Variants in NHS observed in about 807,000 individuals in gnomAD.
NHS encodes the protein actin remodeling regulator NHS.
Under a neutral mutation model 72.5 loss-of-function variants are expected in NHS, and 5 were observed. The observed-to-expected ratio is 0.07, with a 90% CI of 0.04 to 0.14. The LOEUF is 0.14. Ranked by LOEUF, NHS falls within the 10% of genes least tolerant of loss-of-function variation. NHS has a pLI of 1.00. For synonymous variants in NHS, 464 were observed against 547.7 expected (o/e 0.85, Z 2.13); for missense variants, 1,072 against 1,355.7 (o/e 0.79, Z 3.29).
At chrX:17,678,293 T>TGTGA (rs1266362593) in intron 1 of NHS, among the ~76,000 whole-genome samples, 1,273 of 101,855 alleles carry the variant, frequency 0.012, 29 homozygotes, top group African/African-American at 0.044. Flanking sequence ...TGTGTGTGTG[T>TGTGA]GAGAGAGAGA....
At chrX:17,615,861 G>T (rs1200780999) in intron 1 of NHS, among the ~76,000 whole-genome samples, 1 of 98,506 alleles carries the variant, frequency 1.0e-5, no homozygotes, top group Non-Finnish European at 2.0e-5. Context: ...CACCCTGATT[G>T]ATATCCATAG....
intron 1 of NHS, among the ~76,000 whole-genome samples, chrX:17,460,681 G>A (rs2064843590): frequency 8.9e-6 from 1 of 112,156 alleles, no homozygotes; most frequent in Admixed American, 9.4e-5. Context: ...GATGTAAATT[G>A]AATCATATAA....
chrX:17,676,139 C>T (rs755428361), intron 1 of NHS, among the ~76,000 whole-genome samples: 24 of 111,987 alleles, frequency 2.1e-4, no homozygotes, highest in Admixed American at 1.7e-3. Flanking sequence ...AGGCTCCATG[C>T]GCCATATTGG....
intron 1 of NHS, among the ~76,000 whole-genome samples, chrX:17,523,981 G>A (rs1298141978): frequency 8.9e-6 from 1 of 111,744 alleles, no homozygotes; most frequent in Non-Finnish European, 1.9e-5. Flanking sequence ...TGCTATGAAG[G>A]GCAGCTGGGA....
At chrX:17,578,087 T>C (rs1262002604) in intron 1 of NHS, among the ~76,000 whole-genome samples, 2 of 112,310 alleles carry the variant, frequency 1.8e-5, no homozygotes, top group South Asian at 3.7e-4. Flanking sequence ...ATATAAAATA[T>C]GTTTGTTAAA....
At chrX:17,533,014 T>C (rs2065206025) in intron 1 of NHS, among the ~76,000 whole-genome samples, 1 of 111,989 alleles carries the variant, frequency 8.9e-6, no homozygotes, top group Non-Finnish European at 1.9e-5. Flanking sequence ...GAGTATTAGC[T>C]CTGCAGAGCA....
chrX:17,639,986 A>C (rs946266854), intron 1 of NHS, among the ~76,000 whole-genome samples: 7 of 112,027 alleles, frequency 6.2e-5, no homozygotes, highest in African/African-American at 1.9e-4. Context: ...GTTTTCGGTA[A>C]GTTTTTAAAA....
chrX:17,572,428 C>A lies in NHS; in HGVS notation c.566-115314C>A, dbSNP rs951391300. On this transcript the variant is annotated intron_variant, in intron 1 of 8. Coordinates refer to ENST00000676302, the MANE Select transcript of NHS (RefSeq NM_001291867.2). Reference sequence around the variant, plus strand: ...CCCTTTACCATTATATAATGGCCTTCTTTGTCTCTTTTGATCTTTATTTTA... The same window carrying A: ...CCCTTTACCATTATATAATGGCCTTATTTGTCTCTTTTGATCTTTATTTTA... Among the ~76,000 whole-genome samples the A allele has an allele frequency of 2.9e-5, 3 of 101,949 alleles. No individual in the cohort carries two copies. In the Admixed American group the frequency reaches 3.2e-4, roughly 11 times the overall value. 88.5% of individuals were successfully genotyped at this position (101,949 alleles called of 115,157 possible).
intron 3 of NHS, among the ~76,000 whole-genome samples, chrX:17,696,896 CA>C (rs1224169840): frequency 9.0e-6 from 1 of 111,291 alleles, no homozygotes; most frequent in Admixed American, 9.5e-5. Flanking sequence ...GAGAAAACAC[CA>C]AGTCTCAGCA....
chrX:17,671,940 C>A (rs763890709), intron 1 of NHS, among the ~76,000 whole-genome samples: 17 of 111,762 alleles, frequency 1.5e-4, no homozygotes, highest in Non-Finnish European at 2.6e-4. Flanking sequence ...TGGTAAGATA[C>A]CAAAGCACTG....
intron 1 of NHS, among the ~76,000 whole-genome samples, chrX:17,582,775 C>T (rs1271496345): frequency 1.8e-5 from 2 of 112,801 alleles, no homozygotes; most frequent in Non-Finnish European, 3.8e-5. Flanking sequence ...TCGTGTGCCT[C>T]AGTTTCCTGT....
chrX:17,435,856 C>T (rs1302166777), intron 1 of NHS, among the ~76,000 whole-genome samples: 1 of 111,748 alleles, frequency 8.9e-6, no homozygotes, highest in Non-Finnish European at 1.9e-5. Flanking sequence ...TCTTTGCCAC[C>T]ATCAGGAGAA....
At chrX:17,535,094 A>G (rs986573034) in intron 1 of NHS, among the ~76,000 whole-genome samples, 3 of 112,268 alleles carry the variant, frequency 2.7e-5, no homozygotes, top group East Asian at 2.8e-4. Flanking sequence ...AACCTGTTTC[A>G]TAACCTACCT....
At chrX:17,567,909 A>G (rs188384775) in intron 1 of NHS, among the ~76,000 whole-genome samples, 713 of 111,580 alleles carry the variant, frequency 6.4e-3, no homozygotes, top group Non-Finnish European at 9.3e-3. Context: ...TAGTGATTTC[A>G]AAACGTGAAT....
intron 1 of NHS, among the ~76,000 whole-genome samples, chrX:17,615,745 C>T (rs1569294413): frequency 9.1e-6 from 1 of 109,873 alleles, no homozygotes; most frequent in Admixed American, 9.7e-5. Flanking sequence ...ACATGCATTC[C>T]TTGGCTCAGC....
intron 1 of NHS, among the ~76,000 whole-genome samples, chrX:17,537,926 A>G (rs1202250424): frequency 8.9e-6 from 1 of 111,764 alleles, no homozygotes; most frequent in South Asian, 3.8e-4. Context: ...AGGGGAAAAC[A>G]AAAGGGAAGC....
At chrX:17,426,110 C>T (rs973681583) in intron 1 of NHS, among the ~76,000 whole-genome samples, 2 of 112,175 alleles carry the variant, frequency 1.8e-5, no homozygotes, top group African/African-American at 6.5e-5. Flanking sequence ...TATCAGCTCA[C>T]AAGAGCTGAT....
At chrX:17,663,838 A>C (rs1045883065) in intron 1 of NHS, among the ~76,000 whole-genome samples, 2 of 111,912 alleles carry the variant, frequency 1.8e-5, no homozygotes, top group Non-Finnish European at 3.8e-5. Context: ...CCAGCATATC[A>C]GGGTTCTAGT....
At chrX:17,581,441 G>A (rs1024404080) in intron 1 of NHS, among the ~76,000 whole-genome samples, 8 of 111,341 alleles carry the variant, frequency 7.2e-5, no homozygotes, top group Non-Finnish European at 1.9e-5. Flanking sequence ...GAAGACACAG[G>A]GGCCACTGCA....
Sources: allele counts gnomAD v4.1 joint callset (sites outside exome capture counted in the v4.1 genomes callset), GRCh38; gene constraint gnomAD v4.1.1; transcripts MANE v1.5; gene names NCBI Gene and HGNC (gene_info 2026-07-23, HGNC 2026-07-21).